Variants in MACROD2 observed in about 807,000 individuals in gnomAD.
MACROD2 encodes mono-ADP ribosylhydrolase 2.
A neutral mutation model predicts 70.4 loss-of-function variants in MACROD2; 36 were observed. The observed-to-expected ratio is 0.51, with a 90% CI of 0.39 to 0.68. The LOEUF is 0.68. Among genes scored for constraint, MACROD2 ranks in the 30% least tolerant of loss-of-function variants. The pLI, the probability that MACROD2 is intolerant of heterozygous loss-of-function variation, is 0.00. For missense variants in MACROD2, 496 were observed against 538.4 expected (o/e 0.92, Z 0.78); for synonymous variants, 172 against 178.8 (o/e 0.96, Z 0.30).
intron 5 of MACROD2, among the ~76,000 whole-genome samples, chr20:15,136,369 G>A (rs2076147910): frequency 6.6e-6 from 1 of 151,864 alleles, no homozygotes; most frequent in African/African-American, 2.4e-5. Flanking sequence ...CAGACATATA[G>A]ATCAGTGGAA....
intron 4 of MACROD2, among the ~76,000 whole-genome samples, chr20:14,579,363 G>GAT (rs1458548542): frequency 6.6e-6 from 1 of 150,500 alleles, no homozygotes; most frequent in Non-Finnish European, 1.5e-5. Flanking sequence ...GGATGGTCTC[G>GAT]ATCTCCTGAC....
At chr20:14,034,442 A>T (rs1173974984) in intron 2 of MACROD2, among the ~76,000 whole-genome samples, 3 of 152,182 alleles carry the variant, frequency 2.0e-5, no homozygotes, top group Non-Finnish European at 4.4e-5. Flanking sequence ...TCTTGTGTTT[A>T]TGTCTGTAAG....
At chr20:15,724,084 G>T (rs185082349) in intron 8 of MACROD2, among the ~76,000 whole-genome samples, 3 of 152,256 alleles carry the variant, frequency 2.0e-5, no homozygotes, top group East Asian at 1.9e-4. Flanking sequence ...TGTTGGTGAG[G>T]TATCAAGATT....
intron 4 of MACROD2, among the ~76,000 whole-genome samples, chr20:14,515,651 A>G (rs373874): frequency 0.82 from 124,690 of 151,924 alleles, 51,587 homozygotes; most frequent in East Asian, 1. Flanking sequence ...GGCATCTGTA[A>G]AAGTCAGTCT....
intron 8 of MACROD2, among the ~76,000 whole-genome samples, chr20:15,767,201 C>T (rs1180146888): frequency 6.6e-6 from 1 of 152,204 alleles, no homozygotes; most frequent in African/African-American, 2.4e-5. Context: ...TTTATGTTTT[C>T]TCTTTCGGTT....
At chr20:15,020,610 C>T (rs895596378) in intron 5 of MACROD2, among the ~76,000 whole-genome samples, 5 of 152,032 alleles carry the variant, frequency 3.3e-5, no homozygotes, top group Non-Finnish European at 4.4e-5. Flanking sequence ...ATGTGAACAT[C>T]GTAGAGTGAT....
chr20:15,988,919 A>G (rs889091540), intron 15 of MACROD2, among the ~76,000 whole-genome samples: 2 of 152,142 alleles, frequency 1.3e-5, no homozygotes, highest in East Asian at 1.9e-4. Flanking sequence ...AAAAGTACTC[A>G]TAGGAAAAGG....
In MACROD2 at chr20:14,183,321, G is replaced by T. The variant is rs755823635; in HGVS notation, c.271+97593G>T. ...CTGTGTTAGTTTGCTAAGGATAATG[G>T]CCTTTAGCTCCATCTATGTCCTTGT... On this transcript the variant is annotated intron_variant, in intron 3 of 17. Transcript: ENST00000684519. 4.5e-4 allele frequency among the ~76,000 whole-genome samples: 69 copies of T among 151,784 alleles called. 1 individual carries two copies. In the Middle Eastern group the frequency reaches 0.038, roughly 83 times the overall value.
chr20:15,130,338 G>T (rs545533468), intron 5 of MACROD2, among the ~76,000 whole-genome samples: 1 of 151,792 alleles, frequency 6.6e-6, no homozygotes, highest in South Asian at 2.1e-4. Context: ...ATCTAGCAAA[G>T]GAAGCAGATC....
intron 4 of MACROD2, among the ~76,000 whole-genome samples, chr20:14,651,561 A>C (rs528857895): frequency 6.6e-6 from 1 of 152,298 alleles, no homozygotes; most frequent in South Asian, 2.1e-4. Context: ...AGAGACTGGA[A>C]ATCCTTGTTT....
chr20:15,823,105 G>A (rs2063957426), intron 8 of MACROD2, among the ~76,000 whole-genome samples: 1 of 152,148 alleles, frequency 6.6e-6, no homozygotes. Flanking sequence ...GTTTGCTTGG[G>A]CATTTTATTT....
At chr20:15,025,236 G>A (rs1446289247) in intron 5 of MACROD2, among the ~76,000 whole-genome samples, 2 of 151,906 alleles carry the variant, frequency 1.3e-5, no homozygotes, top group Non-Finnish European at 2.9e-5. Context: ...TCAGTTTAAA[G>A]ATTCTTGTTA....
intron 6 of MACROD2, among the ~76,000 whole-genome samples, chr20:15,349,237 A>G (rs1056782251): frequency 6.6e-6 from 1 of 152,214 alleles, no homozygotes; most frequent in African/African-American, 2.4e-5. Context: ...ACCAAAAATC[A>G]TAATCTTTTT....
intron 5 of MACROD2, chr20:14,893,107 T>G (rs1172601268): frequency 6.6e-6 from 1 of 152,226 alleles, no homozygotes; most frequent in Non-Finnish European, 1.5e-5. Flanking sequence ...TTTAGCCATA[T>G]TATAGAGTGT....
At chr20:14,049,356 T>C (rs2053529675) in intron 2 of MACROD2, among the ~76,000 whole-genome samples, 3 of 151,964 alleles carry the variant, frequency 2.0e-5, no homozygotes, top group Admixed American at 1.3e-4. Flanking sequence ...TGAGGTTCAG[T>C]GGACCTCAAG....
At chr20:14,361,371 A>G (rs1956985146) in intron 3 of MACROD2, among the ~76,000 whole-genome samples, 1 of 151,940 alleles carries the variant, frequency 6.6e-6, no homozygotes, top group South Asian at 2.1e-4. Context: ...ACTCCTCTTT[A>G]CCTCTGCATT....
chr20:15,487,253 C>G (rs2047174341), intron 7 of MACROD2, among the ~76,000 whole-genome samples: 2 of 152,134 alleles, frequency 1.3e-5, no homozygotes, highest in African/African-American at 4.8e-5. Context: ...ATCCAGCACT[C>G]TCAGAAAGTG....
At chr20:14,485,667 A>T (rs1266577039) in intron 3 of MACROD2, among the ~76,000 whole-genome samples, 2 of 87,946 alleles carry the variant, frequency 2.3e-5, no homozygotes, top group South Asian at 1.2e-3. Flanking sequence ...TGCCACTTGC[A>T]CTCCAGCCTG....
chr20:15,951,306 GACACACACACACACAC>G (rs58032991), intron 12 of MACROD2, among the ~76,000 whole-genome samples: 36 of 135,618 alleles, frequency 2.7e-4, no homozygotes, highest in Admixed American at 6.0e-4. Context: ...TATTTATCTA[GACACACACACACACAC>G]ACACACACAC....
Sources: allele counts gnomAD v4.1 joint callset (sites outside exome capture counted in the v4.1 genomes callset), GRCh38; gene constraint gnomAD v4.1.1; transcripts MANE v1.5; gene names NCBI Gene and HGNC (gene_info 2026-07-23, HGNC 2026-07-21).